CDH4: variants seen among roughly 807,000 people sequenced by gnomAD.
CDH4 encodes the protein cadherin 4.
In CDH4, 33 loss-of-function variants were observed where a neutral mutation model predicts 86.0. The ratio of observed to expected loss-of-function variants is 0.38; its 90% confidence interval spans 0.29 to 0.51. The LOEUF (loss-of-function observed/expected upper bound fraction) is 0.51. Among genes scored for constraint, CDH4 ranks in the 20% least tolerant of loss-of-function variants. CDH4 has a pLI of 0.86. For synonymous variants in CDH4, 555 were observed against 549.4 expected (o/e 1.01, Z -0.14); for missense variants, 1,114 against 1,307.4 (o/e 0.85, Z 2.28).
At chr20:61,500,866 T>C (rs1028104641) in intron 2 of CDH4, among the ~76,000 whole-genome samples, 4 of 152,220 alleles carry the variant, frequency 2.6e-5, no homozygotes, top group Non-Finnish European at 1.5e-5. Flanking sequence ...CAGCCCCCAG[T>C]GCAGGCATGC....
intron 2 of CDH4, among the ~76,000 whole-genome samples, chr20:61,330,398 A>G (rs1253296490): frequency 1.3e-5 from 2 of 152,304 alleles, no homozygotes; most frequent in East Asian, 3.9e-4. Flanking sequence ...TGACTCTAAT[A>G]ATCGCCATTC....
intron 2 of CDH4, among the ~76,000 whole-genome samples, chr20:61,398,880 AC>A (rs2085033524): frequency 6.6e-6 from 1 of 152,158 alleles, no homozygotes; most frequent in Non-Finnish European, 1.5e-5. Context: ...CAGGACTCTC[AC>A]AGTCAGACCC....
intron 2 of CDH4, among the ~76,000 whole-genome samples, chr20:61,409,511 A>C (rs1042325371): frequency 6.6e-6 from 1 of 152,182 alleles, no homozygotes; most frequent in Non-Finnish European, 1.5e-5. Context: ...CATGCTCATC[A>C]CACCCGGGGC....
intron 2 of CDH4, among the ~76,000 whole-genome samples, chr20:61,331,032 C>G (rs2084569704): frequency 6.6e-6 from 1 of 152,072 alleles, no homozygotes; most frequent in African/African-American, 2.4e-5. Flanking sequence ...AATGATCATT[C>G]GAGATTCTGC....
At chr20:61,827,586 G>A (rs1981382276) in intron 4 of CDH4, among the ~76,000 whole-genome samples, 1 of 152,190 alleles carries the variant, frequency 6.6e-6, no homozygotes, top group Non-Finnish European at 1.5e-5. Context: ...TTTAAAAAAT[G>A]TATTTCCTAG....
chr20:61,540,947 C>A (rs376103450), intron 2 of CDH4, among the ~76,000 whole-genome samples: 2 of 152,050 alleles, frequency 1.3e-5, no homozygotes, highest in African/African-American at 4.8e-5. Flanking sequence ...CTGTTCAAGC[C>A]CGTGCCATCC....
chr20:61,854,965 C>T (rs1470910432), intron 6 of CDH4, among the ~76,000 whole-genome samples: 30 of 109,302 alleles, frequency 2.7e-4, no homozygotes, highest in East Asian at 6.4e-4. Flanking sequence ...GCGCCTTTGG[C>T]CCACCCCCAG....
chr20:61,309,152 G>A (rs1022286742), intron 2 of CDH4, among the ~76,000 whole-genome samples: 7 of 152,256 alleles, frequency 4.6e-5, no homozygotes, highest in African/African-American at 1.2e-4. Context: ...TGTGCAGCTC[G>A]GCTGGTGCCC....
chr20:61,619,174 TGAG>T (rs1447118480), intron 2 of CDH4, among the ~76,000 whole-genome samples: 1 of 152,206 alleles, frequency 6.6e-6, no homozygotes, highest in Non-Finnish European at 1.5e-5. Flanking sequence ...GCTTTGCTAT[TGAG>T]GAGCAGATTG....
chr20:61,818,480 G>C (rs985758058), intron 4 of CDH4, among the ~76,000 whole-genome samples: 3 of 152,090 alleles, frequency 2.0e-5, no homozygotes, highest in African/African-American at 4.8e-5. Flanking sequence ...TTCCAGACCA[G>C]CCTGGGTAAC....
At chr20:61,314,776 G>A (rs968488728) in intron 2 of CDH4, among the ~76,000 whole-genome samples, 16 of 152,128 alleles carry the variant, frequency 1.1e-4, no homozygotes, top group Non-Finnish European at 4.4e-5. Flanking sequence ...TTTTCTCCAC[G>A]TCCTCACCGA....
chr20:61,294,271 T>A (rs2084339937), intron 2 of CDH4, among the ~76,000 whole-genome samples: 1 of 152,160 alleles, frequency 6.6e-6, no homozygotes, highest in Non-Finnish European at 1.5e-5. Flanking sequence ...GGGCCAGGGC[T>A]GCTGACCTGC....
intron 2 of CDH4, among the ~76,000 whole-genome samples, chr20:61,707,782 G>A (rs868545): frequency 6.6e-6 from 1 of 152,012 alleles, no homozygotes; most frequent in Non-Finnish European, 1.5e-5. Context: ...CCTAGATCCC[G>A]TGCACGTGCA....
At chr20:61,844,948 G>A in intron 5 of CDH4, 125 bp downstream of exon 5, 1 of 994,514 alleles carries the variant, frequency 1.0e-6, no homozygotes, top group South Asian at 1.9e-5. Flanking sequence ...TCCAACTTTG[G>A]CCTGGAGCAG....
At chr20:61,644,249 CTGAG>C (rs2087038556) in intron 2 of CDH4, among the ~76,000 whole-genome samples, 1 of 152,224 alleles carries the variant, frequency 6.6e-6, no homozygotes. Context: ...CCAGAGGAGA[CTGAG>C]TGAAGTTCTT....
intron 2 of CDH4, among the ~76,000 whole-genome samples, chr20:61,334,549 C>T (rs115679489): frequency 6.1e-4 from 93 of 152,330 alleles, no homozygotes; most frequent in African/African-American, 2.2e-3. Flanking sequence ...TCTGTTCGGC[C>T]TCTTTCTCTG....
intron 7 of CDH4, among the ~76,000 whole-genome samples, chr20:61,883,173 T>C (rs975562195): frequency 6.2e-5 from 9 of 144,608 alleles, no homozygotes; most frequent in African/African-American, 2.3e-4. Context: ...TCCCGAGACC[T>C]CCACAGCTCG....
intron 2 of CDH4, among the ~76,000 whole-genome samples, chr20:61,365,399 A>C (rs1363190670): frequency 6.6e-6 from 1 of 152,036 alleles, no homozygotes; most frequent in African/African-American, 2.4e-5. Context: ...CACGGGAGGG[A>C]CGGGGTGGAA....
chr20:61,829,532 C>T lies in CDH4; in HGVS notation c.577-15136C>T, dbSNP rs928941935. ...GCCCAGCAGTGGGATTGCTGGGTCACGCATGCAGCAGCTCTGCTCGCCTTT... is the reference window on the plus strand; with the variant it reads ...GCCCAGCAGTGGGATTGCTGGGTCATGCATGCAGCAGCTCTGCTCGCCTTT... On this transcript the variant is annotated intron_variant, in intron 4 of 15. Coordinates refer to ENST00000614565, the MANE Select transcript of CDH4 (RefSeq NM_001794.5). This position sits in a 1 kb window ranked among gnomAD's most constrained non-coding sequence, Gnocchi z 4.2. Among the ~76,000 whole-genome samples the T allele has an allele frequency of 6.6e-5, 10 of 152,200 alleles. No individual in the cohort carries two copies. The highest frequency in any genetic ancestry group is 2.0e-4 in the Admixed American group (3 of 15,286).
Sources: allele counts gnomAD v4.1 joint callset (sites outside exome capture counted in the v4.1 genomes callset), GRCh38; gene constraint gnomAD v4.1.1; non-coding constraint Gnocchi (gnomAD v3.1); transcripts MANE v1.5; gene names NCBI Gene and HGNC (gene_info 2026-07-23, HGNC 2026-07-21).